The following KCNJ6 variants were observed in gnomAD, a reference collection of about 807,000 sequenced individuals.
KCNJ6 encodes potassium inwardly rectifying channel subfamily J member 6.
KCNJ6 carries 9 observed loss-of-function variants against 34.2 expected under a neutral mutation model. The observed-to-expected ratio is 0.26, with a 90% confidence interval of 0.16 to 0.46. The LOEUF is 0.46. Among genes scored for constraint, KCNJ6 ranks in the 20% least tolerant of loss-of-function variants. The pLI, the probability that KCNJ6 is intolerant of heterozygous loss-of-function variation, is 1.00. For missense variants in KCNJ6, 236 were observed against 531.3 expected (o/e 0.44, Z 5.46); for synonymous variants, 196 against 207.1 (o/e 0.95, Z 0.46).
chr21:37,655,222 TGTGAGAGAGAGAGA>T (rs2054456073), intron 3 of KCNJ6, among the ~76,000 whole-genome samples: 1 of 8,246 alleles, frequency 1.2e-4, no homozygotes, highest in Non-Finnish European at 6.1e-4. Context: ...TGTGTGTGTG[TGTGAGAGAGAGAGA>T]GAGAGAGAGA....
intron 1 of KCNJ6, among the ~76,000 whole-genome samples, chr21:37,888,976 G>A (rs914454964): frequency 2.0e-5 from 3 of 152,210 alleles, no homozygotes; most frequent in Non-Finnish European, 2.9e-5. Context: ...CCTCAGGCCA[G>A]AAGCCTGCTT....
chr21:37,818,405 C>T (rs2055357995), intron 2 of KCNJ6, among the ~76,000 whole-genome samples: 1 of 152,094 alleles, frequency 6.6e-6, no homozygotes, highest in Non-Finnish European at 1.5e-5. Context: ...CTTAATAGAA[C>T]TCACAACATG....
intron 3 of KCNJ6, among the ~76,000 whole-genome samples, chr21:37,658,737 G>A (rs1278750090): frequency 6.6e-6 from 1 of 152,210 alleles, no homozygotes. Flanking sequence ...GGACTTCAGA[G>A]GGCGTTCCTC....
intron 2 of KCNJ6, among the ~76,000 whole-genome samples, chr21:37,725,542 G>A (rs2054849971): frequency 6.6e-6 from 1 of 152,230 alleles, no homozygotes; most frequent in Non-Finnish European, 1.5e-5. Context: ...GGGAGAGGAA[G>A]TGTAATTTCA....
At chr21:37,718,209 G>T (rs1003888881) in intron 2 of KCNJ6, among the ~76,000 whole-genome samples, 5 of 152,184 alleles carry the variant, frequency 3.3e-5, no homozygotes, top group African/African-American at 4.8e-5. Flanking sequence ...CTTCTGTGGG[G>T]GACAATGAAG....
At chr21:37,748,299 C>T (rs543500136) in intron 2 of KCNJ6, among the ~76,000 whole-genome samples, 35 of 152,222 alleles carry the variant, frequency 2.3e-4, no homozygotes, top group African/African-American at 7.9e-4. Flanking sequence ...CTGCTCTGCT[C>T]ATCAAGATTT....
At chr21:37,629,438 G>A (rs893679705) in intron 3 of KCNJ6, among the ~76,000 whole-genome samples, 3 of 152,000 alleles carry the variant, frequency 2.0e-5, no homozygotes, top group African/African-American at 4.8e-5. Context: ...CCTAATCTCC[G>A]GTATTTCAGA....
At chr21:37,808,492 ATG>A (rs2055304854) in intron 2 of KCNJ6, among the ~76,000 whole-genome samples, 1 of 152,242 alleles carries the variant, frequency 6.6e-6, no homozygotes, top group Non-Finnish European at 1.5e-5. Flanking sequence ...CATCCACTTG[ATG>A]AGGTTATGCC....
At chr21:37,655,216 TGTGTGTGTGAGAGAGA>T (rs2054454618) in intron 3 of KCNJ6, among the ~76,000 whole-genome samples, 1 of 20,314 alleles carries the variant, frequency 4.9e-5, no homozygotes, top group Non-Finnish European at 1.4e-4. Flanking sequence ...TGTGTGTGTG[TGTGTGTGTGAGAGAGA>T]GAGAGAGAGA....
chr21:37,728,698 G>GTATA (rs57901753), intron 2 of KCNJ6, among the ~76,000 whole-genome samples: 26 of 150,204 alleles, frequency 1.7e-4, no homozygotes, highest in South Asian at 4.2e-4. Flanking sequence ...GTGTGTGTGT[G>GTATA]TATATATATA....
rs138245523 is a variant in KCNJ6 at position 37,636,023 on chromosome 21, G to A, written c.947-10539C>T. ...TATTCACGTATTTGGTGGTGGGTAG[G>A]GGAGAGCTACTGGTCTAAGTCCTGG... is the stretch of plus-strand genomic sequence containing the variant. On this transcript the variant is annotated intron_variant, in intron 3 of 3. Transcript: ENST00000609713. Among the ~76,000 whole-genome samples, 712 of 152,286 alleles carry A rather than the reference G, an allele frequency of 4.7e-3. 4 individuals carry two copies. Among genetic ancestry groups the A allele is most frequent in the Non-Finnish European group, 8.1e-3 (548 of 68,016 alleles).
chr21:37,637,584 A>G (rs2054363600), intron 3 of KCNJ6, among the ~76,000 whole-genome samples: 2 of 152,316 alleles, frequency 1.3e-5, no homozygotes, highest in South Asian at 4.1e-4. Flanking sequence ...CAGTCTTCTC[A>G]GACAGATGCT....
rs75807447 is a variant in KCNJ6, at chr21:37,698,715, G to A, written c.946+15496C>T. On this transcript the variant is annotated intron_variant, in intron 3 of 3. Coordinates refer to ENST00000609713, the MANE Select transcript of KCNJ6 (RefSeq NM_002240.5). ...CCCAGGTAATTTTTTTTTTTTTTTT[G>A]AGACAGAGTCTTGCTCTGTCACCCA... is the stretch of plus-strand genomic sequence containing the variant. Among the ~76,000 whole-genome samples the A allele has an allele frequency of 3.0e-3, 321 of 106,042 alleles. 2 individuals are homozygous for A. Among genetic ancestry groups the A allele is most frequent in the African/African-American group, 9.9e-3 (301 of 30,302 alleles). The allele number at this position is 106,042 out of a possible 152,430, so 69.6% of individuals were successfully genotyped here. A position where few individuals can be genotyped will look rare whatever the true frequency, so the allele number is the denominator to read the frequency against.
rs2054292340 is a variant in KCNJ6, at chr21:37,622,322, G to C, written c.*2837C>G. The C allele has an allele frequency of 6.6e-6, 1 of 152,148 alleles. No homozygotes were observed. The highest frequency in any genetic ancestry group is 2.4e-5 in the African/African-American group (1 of 41,438). The allele number at this position is 152,148 out of a possible 1,614,324, so 9.4% of individuals were successfully genotyped here. On this transcript the variant is annotated 3_prime_UTR_variant, in exon 4 of 4. Coordinates refer to ENST00000609713, the MANE Select transcript of KCNJ6 (RefSeq NM_002240.5). ...ACTGAGGGAATGAGGACTGGATATTGCGGAATAGAATGAGTGGAAATTGTG... is the reference window on the plus strand; with the variant it reads ...ACTGAGGGAATGAGGACTGGATATTCCGGAATAGAATGAGTGGAAATTGTG...
intron 2 of KCNJ6, among the ~76,000 whole-genome samples, chr21:37,774,031 A>G (rs2055130233): frequency 6.6e-6 from 1 of 152,094 alleles, no homozygotes; most frequent in African/African-American, 2.4e-5. Flanking sequence ...TCTACATCAC[A>G]CTGAATCTTA....
At chr21:37,828,242 AC>A (rs1463887945) in intron 2 of KCNJ6, among the ~76,000 whole-genome samples, 1 of 152,188 alleles carries the variant, frequency 6.6e-6, no homozygotes, top group African/African-American at 2.4e-5. Context: ...AGGAAAGCAC[AC>A]CGGGGTGTAG....
At chr21:37,661,613 A>T (rs1478325316) in intron 3 of KCNJ6, among the ~76,000 whole-genome samples, 4 of 47,260 alleles carry the variant, frequency 8.5e-5, no homozygotes, top group Non-Finnish European at 1.8e-4. Context: ...TAAGAGACAT[A>T]GTTTTTTTTT....
At position 37,614,920 on chromosome 21, in the gene KCNJ6, T is replaced by C. The variant is rs143733779; in HGVS notation, c.*10239A>G. On this transcript the variant is annotated 3_prime_UTR_variant, in exon 4 of 4. Coordinates refer to ENST00000609713, the MANE Select transcript of KCNJ6 (RefSeq NM_002240.5). Reference sequence around the variant, plus strand: ...TTGCATAGTGTAACATTCAGAGGAATCCTCATTCTTTTAGAAAAGGAAAAA... The same window carrying C: ...TTGCATAGTGTAACATTCAGAGGAACCCTCATTCTTTTAGAAAAGGAAAAA... 68 of 152,308 alleles carry C rather than the reference T, an allele frequency of 4.5e-4. No individual in the cohort carries two copies. The highest frequency in any genetic ancestry group is 1.6e-3 in the African/African-American group (67 of 41,544). 9.4% of individuals were successfully genotyped at this position (152,308 alleles called of 1,614,324 possible). A position where few individuals can be genotyped will look rare whatever the true frequency, so the allele number is the denominator to read the frequency against.
At chr21:37,654,804 C>G (rs919957388) in intron 3 of KCNJ6, among the ~76,000 whole-genome samples, 4 of 152,188 alleles carry the variant, frequency 2.6e-5, no homozygotes, top group Admixed American at 2.0e-4. Context: ...CATCTTCATC[C>G]TGTCTGCACA....
Sources: gnomAD v4.1 joint callset for allele counts (sites outside exome capture counted in the v4.1 genomes callset) on GRCh38, gnomAD v4.1.1 for gene constraint, MANE v1.5 for transcripts, NCBI Gene and HGNC (gene_info 2026-07-23, HGNC 2026-07-21) for gene names.